IL7: variants seen among roughly 807,000 people sequenced by gnomAD.
IL7 encodes the protein interleukin 7.
A neutral mutation model predicts 21.6 loss-of-function variants in IL7; 3 were observed. The observed-to-expected ratio is 0.14, with a 90% CI of 0.06 to 0.36. The LOEUF (loss-of-function observed/expected upper bound fraction) is 0.36, where lower values mean the gene tolerates loss of function less well. Ranked by LOEUF, IL7 falls within the 10% of genes least tolerant of loss-of-function variation. The probability of loss-of-function intolerance (pLI) is 1.00; values close to 1 mark genes in which losing one functional copy is unlikely to be tolerated. For synonymous variants in IL7, 62 were observed against 68.1 expected (o/e 0.91, Z 0.44); for missense variants, 175 against 200.2 (o/e 0.87, Z 0.76).
intron 1 of IL7, among the ~76,000 whole-genome samples, chr8:78,799,223 T>C (rs1813968807): frequency 6.6e-6 from 1 of 152,162 alleles, no homozygotes; most frequent in Admixed American, 6.5e-5. Context: ...CCTTCTCTGA[T>C]TAAGAGTACA....
At chr8:78,800,182 T>C (rs1369522601) in intron 1 of IL7, among the ~76,000 whole-genome samples, 1 of 152,224 alleles carries the variant, frequency 6.6e-6, no homozygotes, top group African/African-American at 2.4e-5. Context: ...GCATTTGACT[T>C]TCTGAGTCAT....
chr8:78,715,126 C>T (rs1370456267), downstream of IL7: 25 of 1,062,582 alleles, frequency 2.4e-5, no homozygotes, highest in Non-Finnish European at 3.1e-5. Flanking sequence ...TTCTCTGAAG[C>T]TTCTAAGTAT....
intron 2 of IL7, among the ~76,000 whole-genome samples, chr8:78,768,673 C>G (rs1217615650): frequency 2.6e-5 from 4 of 151,268 alleles, no homozygotes; most frequent in Non-Finnish European, 5.9e-5. Context: ...GGATATTAGC[C>G]CTTTGTCAGA....
chr8:78,774,829 A>G (rs1813078960), intron 2 of IL7, among the ~76,000 whole-genome samples: 1 of 152,106 alleles, frequency 6.6e-6, no homozygotes, highest in South Asian at 2.1e-4. Context: ...GTGCTTTTTT[A>G]TGCAAAAGAG....
intron 1 of IL7, 94 bp downstream of exon 1, chr8:78,804,819 C>A (rs565473443): frequency 9.6e-6 from 14 of 1,456,304 alleles, no homozygotes; most frequent in South Asian, 2.4e-5. Flanking sequence ...GGGCTATTCC[C>A]GGACTTGCCT....
chr8:78,694,054 A>G (rs1586006744), intron 3 of IL7, among the ~76,000 whole-genome samples: 1 of 152,208 alleles, frequency 6.6e-6, no homozygotes, highest in African/African-American at 2.4e-5. Flanking sequence ...GATGTGTGAC[A>G]TTATTTCTGA....
intron 3 of IL7, among the ~76,000 whole-genome samples, chr8:78,708,297 A>G (rs1471918019): frequency 1.3e-5 from 2 of 152,224 alleles, no homozygotes; most frequent in Admixed American, 6.5e-5. Context: ...CAGGCATACC[A>G]GTGATCTGTA....
chr8:78,713,293 A>G (rs1231588316), downstream of IL7, among the ~76,000 whole-genome samples: 1 of 152,084 alleles, frequency 6.6e-6, no homozygotes, highest in Non-Finnish European at 1.5e-5. Flanking sequence ...AAAATAAATG[A>G]CAGGTATTTA....
intron 3 of IL7, among the ~76,000 whole-genome samples, chr8:78,696,370 G>A (rs1298700096): frequency 1.3e-5 from 2 of 152,076 alleles, no homozygotes; most frequent in East Asian, 1.9e-4. Flanking sequence ...TCTTGATACC[G>A]TATTGGGCTA....
intron 3 of IL7, among the ~76,000 whole-genome samples, chr8:78,726,936 TAATCTC>T (rs1217531662): frequency 6.6e-6 from 1 of 151,998 alleles, no homozygotes; most frequent in Non-Finnish European, 1.5e-5. Context: ...CAGTGTAAAA[TAATCTC>T]AATAGAACTT....
intron 2 of IL7, chr8:78,760,586 T>G: frequency 6.4e-7 from 1 of 1,557,036 alleles, no homozygotes; most frequent in Non-Finnish European, 8.7e-7. Flanking sequence ...GAATTTGAGT[T>G]GTCCCATGAC....
chr8:78,685,809 CTG>C (rs1433738241), intron 4 of IL7: 1 of 152,198 alleles, frequency 6.6e-6, no homozygotes, highest in Non-Finnish European at 1.5e-5. Context: ...GGGAAATACA[CTG>C]TGTTAGTCTC....
At chr8:78,717,570 C>G (rs1041058056), downstream of IL7, 9 of 1,439,426 alleles carry the variant, frequency 6.3e-6, no homozygotes, top group Admixed American at 2.1e-4. Flanking sequence ...AGCACATCCT[C>G]TAGTTAGTTT....
intron 4 of IL7, among the ~76,000 whole-genome samples, chr8:78,678,366 CTT>C (rs1175163159): frequency 6.6e-6 from 1 of 152,068 alleles, no homozygotes; most frequent in Non-Finnish European, 1.5e-5. Flanking sequence ...AGAAAGATAA[CTT>C]AGAGCGTGCA....
At chr8:78,711,962 A>G (rs1461971848) in intron 3 of IL7, 3 of 1,260,154 alleles carry the variant, frequency 2.4e-6, no homozygotes, top group African/African-American at 3.1e-5. Context: ...CAATCTCCTT[A>G]TGGGTACACC....
intron 2 of IL7, chr8:78,761,864 G>A (rs1812572897): frequency 1.2e-6 from 2 of 1,611,862 alleles, no homozygotes; most frequent in Non-Finnish European, 1.7e-6. Flanking sequence ...GATTTCATCA[G>A]CCTCATGTCC....
intron 1 of IL7, among the ~76,000 whole-genome samples, chr8:78,804,393 C>T (rs1224171955): frequency 2.6e-5 from 4 of 152,190 alleles, no homozygotes; most frequent in African/African-American, 9.7e-5. Context: ...CCCAGTCTTA[C>T]TCAGGGGGGA....
intron 5 of IL7, chr8:78,719,317 T>C (rs545733768): frequency 6.6e-6 from 1 of 151,882 alleles, no homozygotes; most frequent in African/African-American, 2.4e-5. Flanking sequence ...TCTCACTGAA[T>C]TTTACAGTAG....
intron 3 of IL7, among the ~76,000 whole-genome samples, chr8:78,692,266 C>G (rs1586003738): frequency 6.6e-6 from 1 of 152,280 alleles, no homozygotes; most frequent in East Asian, 1.9e-4. Context: ...GTTTTAGATT[C>G]TACATGTAAG....
Sources: gnomAD v4.1 joint callset for allele counts (sites outside exome capture counted in the v4.1 genomes callset) on GRCh38, gnomAD v4.1.1 for gene constraint, MANE v1.5 for transcripts, NCBI Gene and HGNC (gene_info 2026-07-23, HGNC 2026-07-21) for gene names.